TET2: variants seen among roughly 807,000 people sequenced by gnomAD.
TET2 encodes the protein tet methylcytosine dioxygenase 2.
Under a neutral mutation model 142.9 loss-of-function variants are expected in TET2, and 299 were observed. That is an observed-to-expected ratio of 2.09 (90% CI 1.90 to 2.30). TET2 has a LOEUF of 2.30. TET2 is among the 30% of genes most tolerant of loss of function. TET2 has a pLI of 0.00. For missense variants in TET2, 2,418 were observed against 2,378.0 expected, an observed-to-expected ratio of 1.02 and a Z score of -0.35; for synonymous variants, 819 against 849.0, an observed-to-expected ratio of 0.96 and a Z score of 0.61.
chr4:105,152,004 A>G (rs1008441613), intron 1 of TET2, among the ~76,000 whole-genome samples: 7 of 150,502 alleles, frequency 4.7e-5, no homozygotes, highest in Non-Finnish European at 8.9e-5. Context: ...GAGCCTGGGC[A>G]TGGTGGCTCA....
At chr4:105,180,871 T>C (rs974451084) in intron 1 of TET2, among the ~76,000 whole-genome samples, 1 of 152,158 alleles carries the variant, frequency 6.6e-6, no homozygotes, top group African/African-American at 2.4e-5. Flanking sequence ...ACTCCTGACC[T>C]CAGGTGATCC....
rs1438864948 is a variant in TET2, at chr4:105,236,100, CA to C, written c.2160del (p.Gln720HisfsTer31). 1 of 1,614,126 alleles carries C rather than the reference CA, an allele frequency of 6.2e-7. No individual in the cohort carries two copies. The highest frequency in any genetic ancestry group is 1.7e-5 in the Admixed American group (1 of 60,012). On this transcript the variant is annotated frameshift_variant, in exon 3 of 11. Transcript: ENST00000380013. LOFTEE classifies it high-confidence loss of function. ...GCCATTTTCAAACTCACACCTTTTG[CA>C]ACATAAGCCTCATAAACAGGCAGCA... ...TEPFSNSHLL[Q>X]HKPHKQAAQT...
At chr4:105,210,324 C>A (rs952645026) in intron 2 of TET2, among the ~76,000 whole-genome samples, 2 of 152,130 alleles carry the variant, frequency 1.3e-5, no homozygotes, top group Non-Finnish European at 2.9e-5. Context: ...TCTTGGGTCA[C>A]CTTGTTGACT....
intron 3 of TET2, 92 bp downstream of exon 3, chr4:105,237,443 C>T: frequency 1.2e-6 from 2 of 1,613,106 alleles, no homozygotes; most frequent in Non-Finnish European, 1.7e-6. Flanking sequence ...TTTTTTAAAT[C>T]TTGAGTCTGG....
chr4:105,207,136 G>C (rs1335501075), intron 2 of TET2, among the ~76,000 whole-genome samples: 2 of 152,150 alleles, frequency 1.3e-5, no homozygotes, highest in Non-Finnish European at 2.9e-5. Flanking sequence ...TTTACTAGAA[G>C]AGGTGACTGA....
chr4:105,147,495 C>G (rs184925499), intron 1 of TET2: 1 of 152,326 alleles, frequency 6.6e-6, no homozygotes, highest in African/African-American at 2.4e-5. Flanking sequence ...GTGTCTGCCT[C>G]CTCCTACCTT....
rs534075610 is a variant in TET2, at chr4:105,227,765, A to G, written c.-46-6132A>G. On this transcript the variant is annotated intron_variant, in intron 2 of 10. Transcript: ENST00000380013. ...AGCAAAAATTTATATTTATCTGAAA[A>G]ACAGTTTAACTTTGAAAAACTTTTC... 3.0e-4 allele frequency among the ~76,000 whole-genome samples: 46 copies of G among 152,284 alleles called. No homozygotes were observed. In the East Asian group the frequency reaches 6.4e-3, roughly 21 times the overall value.
At chr4:105,171,051 ATTC>A (rs949007478) in intron 1 of TET2, among the ~76,000 whole-genome samples, 6 of 151,870 alleles carry the variant, frequency 4.0e-5, no homozygotes, top group Non-Finnish European at 8.8e-5. Context: ...TACCTTCTTC[ATTC>A]TTTTTTTTTA....
intron 2 of TET2, among the ~76,000 whole-genome samples, chr4:105,204,035 C>T (rs986002180): frequency 6.6e-6 from 1 of 151,880 alleles, no homozygotes; most frequent in Non-Finnish European, 1.5e-5. Context: ...ACCCTCTCTA[C>T]TAAAAATACA....
chr4:105,190,067 G>A (rs1356272063), intron 1 of TET2, among the ~76,000 whole-genome samples: 1 of 152,198 alleles, frequency 6.6e-6, no homozygotes, highest in Non-Finnish European at 1.5e-5. Flanking sequence ...GGATTCAACA[G>A]ATGAAGTAAT....
chr4:105,222,127 G>A (rs1480051168), intron 2 of TET2, among the ~76,000 whole-genome samples: 1 of 151,960 alleles, frequency 6.6e-6, no homozygotes, highest in African/African-American at 2.4e-5. Context: ...TTGGACATTA[G>A]GGTTGGTTCC....
chr4:105,213,527 A>G (rs1727293801), intron 2 of TET2, among the ~76,000 whole-genome samples: 1 of 152,184 alleles, frequency 6.6e-6, no homozygotes, highest in Admixed American at 6.5e-5. Flanking sequence ...CCTATGCTTG[A>G]CCAAATGGAC....
At chr4:105,244,056 T>C (rs558160189) in intron 6 of TET2, among the ~76,000 whole-genome samples, 2 of 152,368 alleles carry the variant, frequency 1.3e-5, no homozygotes, top group South Asian at 4.1e-4. Context: ...AAATTGTTTA[T>C]GTGCTCACAT....
intron 2 of TET2, among the ~76,000 whole-genome samples, chr4:105,212,027 C>T (rs6533183): frequency 0.6 from 90,972 of 151,998 alleles, 27,767 homozygotes; most frequent in African/African-American, 0.66. Flanking sequence ...AGGAATGAGG[C>T]GTGAATAAGC....
chr4:105,242,539 T>C (rs1729361425), intron 4 of TET2: 2 of 1,158,864 alleles, frequency 1.7e-6, no homozygotes, highest in African/African-American at 1.6e-5. Context: ...CAAACTAACC[T>C]GAATTTTGTG....
intron 7 of TET2, 97 bp from the exon 8 acceptor site, chr4:105,261,662 G>T: frequency 3.1e-6 from 2 of 650,058 alleles, no homozygotes; most frequent in Non-Finnish European, 5.2e-6. Context: ...TTGTGTTTGG[G>T]ATTCAAAATG....
intron 1 of TET2, among the ~76,000 whole-genome samples, chr4:105,168,556 T>G (rs1235388614): frequency 6.6e-6 from 1 of 152,128 alleles, no homozygotes. Context: ...CTATTGACCT[T>G]GCTTTATTTT....
intron 2 of TET2, among the ~76,000 whole-genome samples, chr4:105,232,381 C>T (rs1728560668): frequency 6.6e-6 from 1 of 152,084 alleles, no homozygotes; most frequent in Non-Finnish European, 1.5e-5. Context: ...GGTAATATGC[C>T]GAATAATGGG....
intron 6 of TET2, among the ~76,000 whole-genome samples, chr4:105,254,288 T>C (rs982005218): frequency 6.6e-6 from 1 of 152,228 alleles, no homozygotes; most frequent in Non-Finnish European, 1.5e-5. Flanking sequence ...TCAATTTCTT[T>C]CATAGATATA....
Sources: gnomAD v4.1 joint callset for allele counts (sites outside exome capture counted in the v4.1 genomes callset) on GRCh38, gnomAD v4.1.1 for gene constraint, MANE v1.5 for transcripts, NCBI Gene and HGNC (gene_info 2026-07-23, HGNC 2026-07-21) for gene names.